Variants in ZFP36L1 observed in about 807,000 individuals in gnomAD.
The protein encoded by ZFP36L1 is ZFP36 like 1 zinc finger CCCH-type.
Under a neutral mutation model 16.7 loss-of-function variants are expected in ZFP36L1, and 4 were observed. That is an observed-to-expected ratio of 0.24 (90% CI 0.12 to 0.55). ZFP36L1 has a LOEUF of 0.55. Among genes scored for constraint, ZFP36L1 ranks in the 20% least tolerant of loss-of-function variants. The pLI is 0.94. For missense variants in ZFP36L1, 311 were observed against 449.2 expected (o/e 0.69, Z 2.78); for synonymous variants, 220 against 190.8 (o/e 1.15, Z -1.26).
chr14:68,793,863 T>A, upstream of ZFP36L1: 1 of 984,798 alleles, frequency 1.0e-6, no homozygotes, highest in Non-Finnish European at 1.2e-6. Context: ...GCGGCACAAT[T>A]TAGTGCGCCG....
At chr14:68,793,533 G>C (rs1306091542), upstream of ZFP36L1, 1 of 985,810 alleles carries the variant, frequency 1.0e-6, no homozygotes, top group African/African-American at 1.7e-5. Context: ...AGGAAGGCGG[G>C]CTCGACTTTC....
At chr14:68,795,884 G>GGGCCCGAGGGCGGGAGCC (rs1265222270), upstream of ZFP36L1, 4 of 697,556 alleles carry the variant, frequency 5.7e-6, no homozygotes, top group Non-Finnish European at 9.8e-6. Flanking sequence ...GCCGCGGTGA[G>GGGCCCGAGGGCGGGAGCC]GGCCCGAGGG....
Position 68,789,616 on chromosome 14 carries a change from T to G in ZFP36L1, c.934A>C (p.Ser312Arg), listed in dbSNP as rs756918933. ...QEGYLSSSSS[S>R]HSGSDSPTLD... The stretch of plus-strand genomic sequence containing the variant: ...GTCGGGGAGTCTGAGCCACTGTGGC[T>G]GCTGCTGGAGCTGCTCAGGTAGCCC... The change falls in exon 2 of 2, where the codon AGC (serine) becomes CGC (arginine). Residue 312 changes from serine (S) to arginine (R), a missense_variant. Physicochemically the swap from Ser to Arg is moderately radical, Grantham distance 110. Transcript: ENST00000439696. The surrounding 1 kb of genome is among the most constrained non-coding windows in gnomAD (Gnocchi z 4.5). 3.1e-6 allele frequency: 5 copies of G among 1,613,700 alleles called. No individual in the cohort carries two copies. Among genetic ancestry groups the G allele is most frequent in the Non-Finnish European group, 4.2e-6 (5 of 1,179,780 alleles).
chr14:68,793,006 G>T lies in ZFP36L1; in HGVS notation c.-68C>A. ...GCGAAGGTCCCGGTGCGGGGAAGGCGCAGCCTCTCCTGTCTGGAGTCCCAC... is the reference window on the plus strand; with the variant it reads ...GCGAAGGTCCCGGTGCGGGGAAGGCTCAGCCTCTCCTGTCTGGAGTCCCAC... On this transcript the variant is annotated 5_prime_UTR_variant, in exon 1 of 2. Coordinates refer to ENST00000439696, the MANE Select transcript of ZFP36L1 (RefSeq NM_004926.4). The T allele has an allele frequency of 6.2e-7, 1 of 1,608,580 alleles. No individual in the cohort carries two copies. The highest frequency in any genetic ancestry group is 8.5e-7 in the Non-Finnish European group (1 of 1,178,940).
chr14:68,793,199 T>C (rs1207248017), upstream of ZFP36L1: 4 of 822,178 alleles, frequency 4.9e-6, no homozygotes, highest in Non-Finnish European at 5.5e-6. Context: ...GAATCAGCCA[T>C]GCGGTCAGGC....
At chr14:68,796,042 C>A, upstream of ZFP36L1, 6 of 1,333,776 alleles carry the variant, frequency 4.5e-6, no homozygotes, top group Non-Finnish European at 6.0e-6. Context: ...CCGCTCCTTA[C>A]CCGCGCAGTC....
chr14:68,789,788 G>A lies in ZFP36L1; in HGVS notation c.762C>T (p.Ser254=), dbSNP rs1895017340. The A allele has an allele frequency of 1.2e-6, 2 of 1,613,824 alleles. No homozygotes were observed. Among genetic ancestry groups the A allele is most frequent in the East Asian group, 2.2e-5 (1 of 44,878 alleles). The change falls in exon 2 of 2, where the codon TCC becomes TCT. Residue 254 remains serine (S), a synonymous_variant. Coordinates refer to ENST00000439696, the MANE Select transcript of ZFP36L1 (RefSeq NM_004926.4). The surrounding 1 kb of genome is among the most constrained non-coding windows in gnomAD (Gnocchi z 4.5). ...PDGTNNPFAF[S]SQELASLFAP... ...CAAAGAGGCTTGCCAGCTCCTGGCT[G>A]GAGAAGGCAAAAGGGTTATTGGTGC...
chr14:68,789,290 T>C lies in ZFP36L1; in HGVS notation c.*243A>G. ...TGTCTGTTATGCATGGTAAGTGGGC[T>C]ATAAAATCCAGGGAGGGGGTTTCAA... On this transcript the variant is annotated 3_prime_UTR_variant, in exon 2 of 2. Coordinates refer to ENST00000439696, the MANE Select transcript of ZFP36L1 (RefSeq NM_004926.4). This position sits in a 1 kb window ranked among gnomAD's most constrained non-coding sequence, Gnocchi z 4.5. 1.8e-6 allele frequency: 1 copy of C among 548,884 alleles called. No individual in the cohort carries two copies. The highest frequency in any genetic ancestry group is 2.7e-5 in the South Asian group (1 of 37,082). The allele number at this position is 548,884 out of a possible 1,614,324, so 34.0% of individuals were successfully genotyped here.
chr14:68,794,080 C>T, upstream of ZFP36L1: 1 of 400,556 alleles, frequency 2.5e-6, no homozygotes, highest in Non-Finnish European at 3.4e-6. Context: ...CCAGAAAAAG[C>T]CCACCGAGCA....
intron 1 of ZFP36L1, chr14:68,791,016 G>T: frequency 1.4e-6 from 1 of 701,906 alleles, no homozygotes; most frequent in Non-Finnish European, 2.6e-6. Flanking sequence ...TCCTTCAGAA[G>T]TGTTCCCTTC....
intron 1 of ZFP36L1, 37 bp downstream of exon 1, chr14:68,792,845 A>G (rs1895137069): frequency 6.2e-7 from 1 of 1,613,564 alleles, no homozygotes; most frequent in Admixed American, 1.7e-5. Context: ...CAAAAGAAAA[A>G]GACTTTTTGA....
At chr14:68,793,528 G>A, upstream of ZFP36L1, 4 of 986,064 alleles carry the variant, frequency 4.1e-6, no homozygotes, top group Non-Finnish European at 4.8e-6. Flanking sequence ...TGGGCAGGAA[G>A]GCGGGCTCGA....
At chr14:68,792,818 G>A (rs2140212728) in intron 1 of ZFP36L1, 64 bp downstream of exon 1, 1 of 1,609,328 alleles carries the variant, frequency 6.2e-7, no homozygotes, top group Middle Eastern at 1.7e-4. Flanking sequence ...CAAACTTTTG[G>A]GGGTTCTTTC....
intron 1 of ZFP36L1, 136 bp downstream of exon 1, chr14:68,792,746 G>C: frequency 7.8e-7 from 1 of 1,289,202 alleles, no homozygotes; most frequent in South Asian, 1.2e-5. Flanking sequence ...AAACTTGGGA[G>C]AAATGCCGGA....
chr14:68,793,530 C>A, upstream of ZFP36L1: 1 of 985,864 alleles, frequency 1.0e-6, no homozygotes, highest in Non-Finnish European at 1.2e-6. Flanking sequence ...GGCAGGAAGG[C>A]GGGCTCGACT....
In ZFP36L1 at chr14:68,789,317, C is replaced by A. The variant is rs1594715961; in HGVS notation, c.*216G>T. ...TAAAATCCAGGGAGGGGGTTTCAAG[C>A]CAGAAGAAGCTACTGACAAATTGAC... On this transcript the variant is annotated 3_prime_UTR_variant, in exon 2 of 2. Transcript: ENST00000439696. The surrounding 1 kb of genome is among the most constrained non-coding windows in gnomAD (Gnocchi z 4.5). 1 of 619,894 alleles carries A rather than the reference C, an allele frequency of 1.6e-6. No homozygotes were observed. Among genetic ancestry groups the A allele is most frequent in the Non-Finnish European group, 2.6e-6 (1 of 378,446 alleles). The allele number at this position is 619,894 out of a possible 1,614,324, so 38.4% of individuals were successfully genotyped here.
chr14:68,791,949 C>A, intron 1 of ZFP36L1, among the ~76,000 whole-genome samples: 1 of 152,110 alleles, frequency 6.6e-6, no homozygotes, highest in East Asian at 1.9e-4. Flanking sequence ...AACACTTCAG[C>A]AATTAAAAAG....
upstream of ZFP36L1, chr14:68,795,866 GC>G: frequency 3.3e-6 from 2 of 598,330 alleles, no homozygotes; most frequent in South Asian, 2.7e-5. Flanking sequence ...CGCTGACCCG[GC>G]GTCCCCGCCG....
upstream of ZFP36L1, chr14:68,793,624 CT>C: frequency 1.3e-5 from 13 of 985,920 alleles, no homozygotes; most frequent in Non-Finnish European, 1.6e-5. Context: ...CTCCTTGAAA[CT>C]TCCCCAAGTG....
Sources: gnomAD v4.1 joint callset for allele counts (sites outside exome capture counted in the v4.1 genomes callset) on GRCh38, gnomAD v4.1.1 for gene constraint, Gnocchi (gnomAD v3.1) non-coding constraint, MANE v1.5 for transcripts, NCBI Gene and HGNC (gene_info 2026-07-23, HGNC 2026-07-21) for gene names.